Variants in ATF6 observed in about 807,000 individuals in gnomAD.
ATF6 encodes the protein activating transcription factor 6, also known as cyclic AMP-dependent transcription factor ATF-6 alpha.
A neutral mutation model predicts 83.6 loss-of-function variants in ATF6; 53 were observed. The observed-to-expected ratio is 0.63, with a 90% CI of 0.51 to 0.80. ATF6 has a LOEUF of 0.80. Among genes scored for constraint, ATF6 ranks in the 30% least tolerant of loss-of-function variants. The pLI is 0.00. For missense variants in ATF6, 744 were observed against 797.9 expected (o/e 0.93, Z 0.81); for synonymous variants, 288 against 285.8 (o/e 1.01, Z -0.08).
chr1:161,892,641 T>TG (rs1687581781), intron 14 of ATF6, among the ~76,000 whole-genome samples: 1 of 149,544 alleles, frequency 6.7e-6, no homozygotes, highest in Non-Finnish European at 1.5e-5. Flanking sequence ...TTTTTTTTTT[T>TG]TTTTTTGAGA....
chr1:161,781,322 T>G, intron 2 of ATF6, among the ~76,000 whole-genome samples: 1 of 152,160 alleles, frequency 6.6e-6, no homozygotes, highest in Non-Finnish European at 1.5e-5. Flanking sequence ...GGTGTTTTTT[T>G]TGATTCATAA....
intron 9 of ATF6, among the ~76,000 whole-genome samples, chr1:161,830,769 G>A (rs755275496): frequency 4.6e-5 from 7 of 152,138 alleles, no homozygotes; most frequent in African/African-American, 9.7e-5. Context: ...AACTGGATCC[G>A]TTCCTTACAC....
intron 14 of ATF6, among the ~76,000 whole-genome samples, chr1:161,874,262 T>C (rs1368951177): frequency 6.6e-6 from 1 of 151,582 alleles, no homozygotes; most frequent in African/African-American, 2.4e-5. Flanking sequence ...CCAGATTTAA[T>C]AAGCTCCTTA....
At chr1:161,856,060 T>A (rs75975342) in intron 12 of ATF6, among the ~76,000 whole-genome samples, 21,560 of 152,276 alleles carry the variant, frequency 0.14, 2,096 homozygotes, top group East Asian at 0.32. Context: ...TTTACATGTT[T>A]ACATGCTAAT....
At chr1:161,853,063 T>A (rs1435488983) in intron 11 of ATF6, among the ~76,000 whole-genome samples, 161 bp from the exon 12 acceptor site, 3 of 152,244 alleles carry the variant, frequency 2.0e-5, no homozygotes, top group Admixed American at 6.5e-5. Flanking sequence ...CAACGTTAAG[T>A]GTCAACTTTT....
At chr1:161,851,876 C>T (rs1419051367) in intron 11 of ATF6, 41 bp downstream of exon 11, 2 of 1,488,900 alleles carry the variant, frequency 1.3e-6, no homozygotes, top group Middle Eastern at 1.7e-4. Context: ...TGAGTTGGTT[C>T]CCATGTTTAG....
intron 14 of ATF6, among the ~76,000 whole-genome samples, chr1:161,864,751 A>G (rs1414477789): frequency 1.3e-5 from 2 of 152,218 alleles, no homozygotes; most frequent in Non-Finnish European, 2.9e-5. Context: ...GACCAGCCTC[A>G]AAGTTTCTTT....
At chr1:161,888,272 A>G (rs1364409061) in intron 14 of ATF6, among the ~76,000 whole-genome samples, 3 of 152,216 alleles carry the variant, frequency 2.0e-5, no homozygotes, top group Admixed American at 6.5e-5. Flanking sequence ...TTGAAAATAG[A>G]GTAACCATTT....
chr1:161,811,577 A>T (rs931142530), intron 7 of ATF6, among the ~76,000 whole-genome samples: 1 of 152,372 alleles, frequency 6.6e-6, no homozygotes, highest in East Asian at 1.9e-4. Flanking sequence ...AACAAAAAAT[A>T]GTACAGAGAA....
chr1:161,813,718 C>T (rs778685867), intron 7 of ATF6, among the ~76,000 whole-genome samples: 19 of 152,184 alleles, frequency 1.2e-4, no homozygotes, highest in Middle Eastern at 3.4e-3. Context: ...TGTAAATACA[C>T]CCTACAAGGT....
chr1:161,932,788 G>C (rs1051506960), intron 15 of ATF6, among the ~76,000 whole-genome samples: 7 of 152,202 alleles, frequency 4.6e-5, no homozygotes, highest in African/African-American at 1.4e-4. Context: ...TGGTGCTGCA[G>C]TCTCATTTTT....
At chr1:161,864,692 CCT>C (rs1686953388) in intron 14 of ATF6, among the ~76,000 whole-genome samples, 1 of 152,110 alleles carries the variant, frequency 6.6e-6, no homozygotes, top group Non-Finnish European at 1.5e-5. Flanking sequence ...CACAAAATTC[CCT>C]GTGTTCACCT....
intron 9 of ATF6, among the ~76,000 whole-genome samples, chr1:161,826,328 A>T (rs959694050): frequency 3.3e-5 from 5 of 152,278 alleles, no homozygotes; most frequent in Non-Finnish European, 7.4e-5. Context: ...AAAAATTTTT[A>T]AAAATGAATT....
intron 9 of ATF6, among the ~76,000 whole-genome samples, chr1:161,833,070 G>T (rs1024798516): frequency 6.7e-6 from 1 of 148,226 alleles, no homozygotes; most frequent in Admixed American, 6.8e-5. Context: ...CCAGAGGAAC[G>T]ATCAGGCAGC....
At chr1:161,870,002 G>A (rs978856157) in intron 14 of ATF6, among the ~76,000 whole-genome samples, 6 of 145,492 alleles carry the variant, frequency 4.1e-5, no homozygotes, top group Non-Finnish European at 9.1e-5. Flanking sequence ...GGCAATAATT[G>A]ATAGATTCTA....
chr1:161,850,380 T>G (rs1357613915), intron 10 of ATF6, among the ~76,000 whole-genome samples: 18 of 152,200 alleles, frequency 1.2e-4, no homozygotes. Context: ...ATGCCTAGAA[T>G]GCTCTTACCC....
At chr1:161,890,671 C>CG in intron 14 of ATF6, among the ~76,000 whole-genome samples, 1 of 152,200 alleles carries the variant, frequency 6.6e-6, no homozygotes, top group Admixed American at 6.5e-5. Context: ...GATGCTCTAG[C>CG]GGATTGGCCC....
intron 14 of ATF6, among the ~76,000 whole-genome samples, chr1:161,888,734 T>C (rs1687484293): frequency 6.6e-6 from 1 of 152,176 alleles, no homozygotes; most frequent in Non-Finnish European, 1.5e-5. Context: ...TCTCTTCCTT[T>C]AGTCTCTCCT....
At chr1:161,801,688 A>G (rs1685153186) in intron 6 of ATF6, among the ~76,000 whole-genome samples, 1 of 152,188 alleles carries the variant, frequency 6.6e-6, no homozygotes, top group Non-Finnish European at 1.5e-5. Flanking sequence ...ATTCAGTGTA[A>G]AAGATTTGTT....
Sources: allele counts gnomAD v4.1 joint callset (sites outside exome capture counted in the v4.1 genomes callset), GRCh38; gene constraint gnomAD v4.1.1; transcripts MANE v1.5; gene names NCBI Gene and HGNC (gene_info 2026-07-23, HGNC 2026-07-21).